Variants in DSCAM observed in about 807,000 individuals in gnomAD.
DSCAM encodes DS cell adhesion molecule.
DSCAM carries 47 observed loss-of-function variants against 217.7 expected under a neutral mutation model. The ratio of observed to expected loss-of-function variants is 0.22; its 90% CI spans 0.17 to 0.28. The LOEUF is 0.28. Among genes scored for constraint, DSCAM ranks in the 10% least tolerant of loss-of-function variants. The pLI is 1.00. For missense variants in DSCAM, 2,080 were observed against 2,618.3 expected, an observed-to-expected ratio of 0.79 and a Z score of 4.49; for synonymous variants, 1,056 against 1,015.3, an observed-to-expected ratio of 1.04 and a Z score of -0.76.
At chr21:40,803,604 G>A (rs1440447856) in intron 1 of DSCAM, among the ~76,000 whole-genome samples, 1 of 152,206 alleles carries the variant, frequency 6.6e-6, no homozygotes, top group East Asian at 1.9e-4. Context: ...GGTGACATAT[G>A]TGTGATTCTA....
intron 3 of DSCAM, among the ~76,000 whole-genome samples, chr21:40,555,271 G>A (rs913598305): frequency 2.0e-5 from 3 of 152,110 alleles, no homozygotes; most frequent in African/African-American, 2.4e-5. Context: ...AAAAGCACAC[G>A]TGATCTTGAG....
intron 3 of DSCAM, among the ~76,000 whole-genome samples, chr21:40,594,863 C>T (rs893597235): frequency 6.6e-6 from 1 of 152,042 alleles, no homozygotes; most frequent in Non-Finnish European, 1.5e-5. Context: ...AGAGGGAACC[C>T]CATATGCTAA....
At chr21:40,669,282 A>G (rs2090241187) in intron 3 of DSCAM, among the ~76,000 whole-genome samples, 1 of 152,170 alleles carries the variant, frequency 6.6e-6, no homozygotes, top group Non-Finnish European at 1.5e-5. Context: ...ATGAATAATT[A>G]TGTGATCAAC....
At chr21:40,035,632 C>T (rs1310515983) in intron 32 of DSCAM, among the ~76,000 whole-genome samples, 1 of 148,184 alleles carries the variant, frequency 6.7e-6, no homozygotes, top group Non-Finnish European at 1.5e-5. Context: ...CAAGGATACC[C>T]AGGAATTGAA....
intron 3 of DSCAM, among the ~76,000 whole-genome samples, chr21:40,545,442 C>T (rs375405488): frequency 3.9e-5 from 6 of 152,132 alleles, no homozygotes; most frequent in African/African-American, 1.4e-4. Context: ...TTCACTCTTC[C>T]AGCACGTTAA....
chr21:40,079,125 G>T, intron 25 of DSCAM, 148 bp from the exon 26 acceptor site: 1 of 827,074 alleles, frequency 1.2e-6, no homozygotes, highest in Non-Finnish European at 1.9e-6. Context: ...CTTGTCCCCT[G>T]TTAATAGAGA....
chr21:40,374,563 G>A (rs2123710428), intron 3 of DSCAM, among the ~76,000 whole-genome samples: 1 of 152,320 alleles, frequency 6.6e-6, no homozygotes, highest in African/African-American at 2.4e-5. Context: ...CTGAGTCCAT[G>A]GAGTATTTTT....
intron 1 of DSCAM, among the ~76,000 whole-genome samples, chr21:40,786,339 A>G (rs1397534952): frequency 6.6e-6 from 1 of 152,146 alleles, no homozygotes; most frequent in African/African-American, 2.4e-5. Flanking sequence ...AAAGGAAGAA[A>G]GAGAAAGAAA....
chr21:40,163,995 A>C (rs1425479334), intron 16 of DSCAM, among the ~76,000 whole-genome samples: 1 of 152,008 alleles, frequency 6.6e-6, no homozygotes, highest in African/African-American at 2.4e-5. Context: ...ATATACACTC[A>C]CCTCTCCTTC....
At chr21:40,503,834 G>A (rs1029078664) in intron 3 of DSCAM, among the ~76,000 whole-genome samples, 4 of 152,192 alleles carry the variant, frequency 2.6e-5, no homozygotes, top group African/African-American at 9.7e-5. Flanking sequence ...TATCTTCACT[G>A]TGCAACTTGG....
intron 8 of DSCAM, among the ~76,000 whole-genome samples, chr21:40,329,422 T>C (rs906453191): frequency 6.6e-6 from 1 of 152,058 alleles, no homozygotes; most frequent in Non-Finnish European, 1.5e-5. Flanking sequence ...GAGACCATCC[T>C]GGTCAATATG....
chr21:40,231,119 A>T (rs962433112), intron 11 of DSCAM, among the ~76,000 whole-genome samples: 27 of 138,106 alleles, frequency 2.0e-4, no homozygotes, highest in African/African-American at 7.7e-4. Context: ...GTGGTTCTGG[A>T]AGAGGTTTTT....
chr21:40,833,797 C>T lies in DSCAM; in HGVS notation c.43+12822G>A, dbSNP rs138249660. On this transcript the variant is annotated intron_variant, in intron 1 of 32. Transcript: ENST00000400454. ...TGGAAAAAACGCAGTACTGATGTTA[C>T]GGTAACTAGACTCTGAGCTATTTAA... is the stretch of plus-strand genomic sequence containing the variant. Among the ~76,000 whole-genome samples the T allele has an allele frequency of 1.7e-3, 263 of 152,282 alleles. 5 individuals carry two copies. Among genetic ancestry groups the T allele is most frequent in the Admixed American group, 2.3e-3 (35 of 15,296 alleles).
At chr21:40,834,788 C>A (rs532105481) in intron 1 of DSCAM, among the ~76,000 whole-genome samples, 1 of 152,088 alleles carries the variant, frequency 6.6e-6, no homozygotes, top group African/African-American at 2.4e-5. Context: ...GCCTCCAGAC[C>A]CCCCAGGAAA....
At chr21:40,695,161 T>G (rs1268348820) in intron 2 of DSCAM, among the ~76,000 whole-genome samples, 1 of 151,998 alleles carries the variant, frequency 6.6e-6, no homozygotes, top group Non-Finnish European at 1.5e-5. Flanking sequence ...TTAATAGAAA[T>G]CAAGGAAAGG....
chr21:40,622,188 C>A (rs980992058), intron 3 of DSCAM, among the ~76,000 whole-genome samples: 1 of 151,822 alleles, frequency 6.6e-6, no homozygotes, highest in East Asian at 1.9e-4. Flanking sequence ...ATTTTCTTAC[C>A]CCTTGACCTT....
intron 3 of DSCAM, among the ~76,000 whole-genome samples, chr21:40,548,920 C>A (rs1430085498): frequency 6.6e-6 from 1 of 152,156 alleles, no homozygotes; most frequent in African/African-American, 2.4e-5. Context: ...TAGGGTAAAA[C>A]AAGGCCGGGC....
At chr21:40,335,522 G>A (rs2074421345) in intron 8 of DSCAM, among the ~76,000 whole-genome samples, 1 of 152,090 alleles carries the variant, frequency 6.6e-6, no homozygotes, top group Non-Finnish European at 1.5e-5. Flanking sequence ...AAATGTTAAT[G>A]ATTCAAAGGG....
chr21:40,275,749 G>A (rs1000051942), intron 11 of DSCAM, among the ~76,000 whole-genome samples: 11 of 152,048 alleles, frequency 7.2e-5, no homozygotes, highest in South Asian at 2.1e-4. Flanking sequence ...GTTTTTCCAC[G>A]GGAAAATCAA....
Sources: gnomAD v4.1 joint callset for allele counts (sites outside exome capture counted in the v4.1 genomes callset) on GRCh38, gnomAD v4.1.1 for gene constraint, MANE v1.5 for transcripts, NCBI Gene and HGNC (gene_info 2026-07-23, HGNC 2026-07-21) for gene names.